The following SUMF1 variants were observed in gnomAD, a reference collection of about 807,000 sequenced individuals.
SUMF1 encodes sulfatase modifying factor 1.
In SUMF1, 48 loss-of-function variants were observed where a neutral mutation model predicts 47.6. That is an observed-to-expected ratio of 1.01 (90% CI 0.80 to 1.28). SUMF1 has a LOEUF of 1.28. SUMF1 is among the 50% of genes most tolerant of loss of function. The pLI is 0.00. For missense variants in SUMF1, 571 were observed against 485.4 expected (o/e 1.18, Z -1.66); for synonymous variants, 230 against 192.1 (o/e 1.20, Z -1.63).
intron 8 of SUMF1, among the ~76,000 whole-genome samples, chr3:4,199,402 C>T (rs1304258954): frequency 2.0e-5 from 3 of 152,004 alleles, no homozygotes; most frequent in Non-Finnish European, 4.4e-5. Context: ...TTACGTTGTC[C>T]AACTTTGAGG....
At chr3:4,199,965 C>G (rs2629252) in intron 8 of SUMF1, among the ~76,000 whole-genome samples, 47,601 of 151,726 alleles carry the variant, frequency 0.31, 7,600 homozygotes, top group East Asian at 0.4. Flanking sequence ...TTGTAGAACA[C>G]AAGTTTTCAT....
intron 8 of SUMF1, among the ~76,000 whole-genome samples, chr3:4,169,565 T>C (rs1694787886): frequency 6.6e-6 from 1 of 152,168 alleles, no homozygotes; most frequent in East Asian, 1.9e-4. Context: ...GACACCTATA[T>C]TTCAGACTTC....
At chr3:4,351,044 T>A (rs1261404943) in intron 8 of SUMF1, among the ~76,000 whole-genome samples, 7 of 152,012 alleles carry the variant, frequency 4.6e-5, no homozygotes, top group Admixed American at 4.6e-4. Context: ...CGGAAAACCA[T>A]ACCCACAGAC....
intron 8 of SUMF1, chr3:4,229,239 C>G (rs1189452706): frequency 2.1e-5 from 6 of 283,550 alleles, no homozygotes; most frequent in African/African-American, 9.2e-5. Flanking sequence ...CTGGTTGTCA[C>G]AAGAATCCAC....
At chr3:4,211,471 C>G (rs1695792422) in intron 8 of SUMF1, among the ~76,000 whole-genome samples, 1 of 151,582 alleles carries the variant, frequency 6.6e-6, no homozygotes, top group African/African-American at 2.4e-5. Flanking sequence ...TGGCCTCCAG[C>G]TTTTGAAAGA....
intron 9 of SUMF1, among the ~76,000 whole-genome samples, chr3:4,063,762 C>T (rs6799833): frequency 0.21 from 32,519 of 152,106 alleles, 4,458 homozygotes; most frequent in Middle Eastern, 0.31. Flanking sequence ...TATTATATTA[C>T]TCAATCAGAA....
At chr3:4,168,835 C>A (rs888158745) in intron 8 of SUMF1, among the ~76,000 whole-genome samples, 1 of 152,116 alleles carries the variant, frequency 6.6e-6, no homozygotes, top group Non-Finnish European at 1.5e-5. Context: ...AAGAGCTTAA[C>A]AAATACTGGT....
chr3:4,241,323 A>G (rs566216511), intron 8 of SUMF1, among the ~76,000 whole-genome samples: 28 of 152,276 alleles, frequency 1.8e-4, no homozygotes, highest in African/African-American at 6.5e-4. Context: ...GCTACCAAAT[A>G]AAACTTTTCT....
intron 8 of SUMF1, among the ~76,000 whole-genome samples, chr3:4,352,094 G>A (rs1177609352): frequency 6.6e-6 from 1 of 151,848 alleles, no homozygotes; most frequent in Non-Finnish European, 1.5e-5. Flanking sequence ...GCTATCCCTT[G>A]CCCCAGTAAT....
At chr3:4,118,384 C>CA (rs58975555) in intron 8 of SUMF1, among the ~76,000 whole-genome samples, 7,445 of 146,886 alleles carry the variant, frequency 0.051, 329 homozygotes, top group African/African-American at 0.11. Context: ...AATATAGAGC[C>CA]AAAAAAAAAT....
chr3:4,177,695 AGAAGT>A (rs1694997303), intron 8 of SUMF1, among the ~76,000 whole-genome samples: 1 of 152,184 alleles, frequency 6.6e-6, no homozygotes, highest in South Asian at 2.1e-4. Context: ...AGATCAGAGC[AGAAGT>A]GAAGGAGATA....
chr3:4,043,538 C>A (rs1694947396), intron 9 of SUMF1, among the ~76,000 whole-genome samples: 1 of 152,112 alleles, frequency 6.6e-6, no homozygotes, highest in Non-Finnish European at 1.5e-5. Flanking sequence ...AAGCCACCCC[C>A]CATTCCTCTC....
intron 9 of SUMF1, among the ~76,000 whole-genome samples, chr3:4,051,318 T>G (rs554226709): frequency 6.6e-5 from 10 of 152,218 alleles, no homozygotes; most frequent in African/African-American, 2.2e-4. Context: ...TGGTGCAGGA[T>G]CACAGTGTTG....
intron 8 of SUMF1, among the ~76,000 whole-genome samples, chr3:4,119,938 T>C (rs746331383): frequency 2.0e-5 from 3 of 152,132 alleles, no homozygotes; most frequent in Non-Finnish European, 2.9e-5. Context: ...CTATCACTCC[T>C]TTATACTTGA....
intron 8 of SUMF1, among the ~76,000 whole-genome samples, chr3:4,289,664 G>C (rs894572807): frequency 5.9e-5 from 9 of 151,992 alleles, no homozygotes; most frequent in African/African-American, 2.2e-4. Context: ...TTGTCAACTG[G>C]ATCTACCTTC....
chr3:4,260,833 C>T (rs1184984144), intron 8 of SUMF1, among the ~76,000 whole-genome samples: 2 of 152,116 alleles, frequency 1.3e-5, no homozygotes, highest in Non-Finnish European at 2.9e-5. Context: ...TGTGCGTGTC[C>T]TAATCCCCAG....
At chr3:4,155,696 C>T (rs566879538) in intron 8 of SUMF1, among the ~76,000 whole-genome samples, 2 of 151,608 alleles carry the variant, frequency 1.3e-5, no homozygotes, top group East Asian at 3.9e-4. Flanking sequence ...TTAGTAAACT[C>T]TTTCATGCTT....
intron 9 of SUMF1, among the ~76,000 whole-genome samples, chr3:4,050,263 AAATGATCCATTTAG>A (rs1434895469): frequency 3.3e-5 from 5 of 151,902 alleles, no homozygotes; most frequent in Admixed American, 2.0e-4. Flanking sequence ...TGTCCGTTCT[AAATGATCCATTTAG>A]AACCTGACCT....
chr3:4,304,056 GA>G, intron 8 of SUMF1: 1 of 207,422 alleles, frequency 4.8e-6, no homozygotes, highest in South Asian at 9.2e-5. Flanking sequence ...GGAGTGCTTT[GA>G]AAATGGCAAG....
Sources: allele counts gnomAD v4.1 joint callset (sites outside exome capture counted in the v4.1 genomes callset), GRCh38; gene constraint gnomAD v4.1.1; transcripts MANE v1.5; gene names NCBI Gene and HGNC (gene_info 2026-07-23, HGNC 2026-07-21).